Variants in BCAS3 observed in about 807,000 individuals in gnomAD.
BCAS3 encodes BCAS4/BCAS3 fusion.
Under a neutral mutation model 116.1 loss-of-function variants are expected in BCAS3, and 53 were observed. The observed-to-expected ratio is 0.46, with a 90% CI of 0.37 to 0.57. BCAS3 has a LOEUF of 0.57. Ranked by LOEUF, BCAS3 falls within the 20% of genes least tolerant of loss-of-function variation. The pLI, the probability that BCAS3 is intolerant of heterozygous loss-of-function variation, is 0.00. For synonymous variants in BCAS3, 391 were observed against 408.2 expected (o/e 0.96, Z 0.51); for missense variants, 917 against 1,165.4 (o/e 0.79, Z 3.10).
At chr17:61,018,617 TC>T (rs1456833265) in intron 16 of BCAS3, among the ~76,000 whole-genome samples, 1 of 152,036 alleles carries the variant, frequency 6.6e-6, no homozygotes, top group Non-Finnish European at 1.5e-5. Flanking sequence ...TGTTAATAGA[TC>T]AACTTATTTG....
At position 61,378,186 on chromosome 17, in the gene BCAS3, T is replaced by G. The variant is rs1001491491; in HGVS notation, c.2593+9692T>G. ...CCCTTCTGCAGTAACCTCTGCATATTTCACCTCCTCCACCTTCTTGCCAAT... is the reference window on the plus strand; with the variant it reads ...CCCTTCTGCAGTAACCTCTGCATATGTCACCTCCTCCACCTTCTTGCCAAT... On this transcript the variant is annotated intron_variant, in intron 23 of 23. Transcript: ENST00000407086. The surrounding 1 kb of genome is among the most constrained non-coding windows in gnomAD (Gnocchi z 5.8). The G allele has an allele frequency of 3.9e-5, 6 of 152,232 alleles. No individual in the cohort carries two copies. Among genetic ancestry groups the G allele is most frequent in the Admixed American group, 2.0e-4 (3 of 15,272 alleles). The allele number at this position is 152,232 out of a possible 1,614,324, so 9.4% of individuals were successfully genotyped here.
At chr17:60,806,806 C>T (rs369433257) in intron 6 of BCAS3, among the ~76,000 whole-genome samples, 11 of 152,168 alleles carry the variant, frequency 7.2e-5, no homozygotes, top group African/African-American at 2.4e-4. Context: ...GTTGAGAGTA[C>T]AGGCGTGAGC....
intron 22 of BCAS3, among the ~76,000 whole-genome samples, chr17:61,267,091 T>A (rs1160428707): frequency 1.3e-5 from 2 of 152,196 alleles, no homozygotes; most frequent in Admixed American, 6.5e-5. Flanking sequence ...GGAGTCTCGC[T>A]CTGTCGCCCA....
chr17:60,929,062 A>C (rs963355479), intron 13 of BCAS3, among the ~76,000 whole-genome samples: 1 of 152,100 alleles, frequency 6.6e-6, no homozygotes, highest in Non-Finnish European at 1.5e-5. Context: ...ATTTTCTAGC[A>C]CTCTTCATTT....
chr17:60,717,404 C>T (rs1246080888), intron 5 of BCAS3, among the ~76,000 whole-genome samples: 2 of 151,842 alleles, frequency 1.3e-5, no homozygotes, highest in East Asian at 1.9e-4. Context: ...TTAGTAGAGA[C>T]GGGGTTTCGC....
At position 61,316,807 on chromosome 17, in the gene BCAS3, A is replaced by G. The variant is rs2054784834; in HGVS notation, c.2426-51520A>G. 6.6e-6 allele frequency among the ~76,000 whole-genome samples: 1 copy of G among 152,224 alleles called. No individual in the cohort carries two copies. The highest frequency in any genetic ancestry group is 2.1e-4 in the South Asian group (1 of 4,834). On this transcript the variant is annotated intron_variant, in intron 22 of 23. Transcript: ENST00000407086. The surrounding 1 kb of genome is among the most constrained non-coding windows in gnomAD (Gnocchi z 5.8). ...TGCTAGATTCCTCGGGGTCATGTAC[A>G]ATAATTCCTGCCATGTAGGTTTATT...
intron 22 of BCAS3, among the ~76,000 whole-genome samples, chr17:61,102,779 A>G (rs2074406964): frequency 2.0e-5 from 3 of 152,118 alleles, no homozygotes; most frequent in Admixed American, 1.3e-4. Flanking sequence ...GTAAAAATTA[A>G]TAGATAATAA....
rs1425946398 is a variant in BCAS3, at chr17:60,995,287, G to A, written c.1486+5052G>A. Among the ~76,000 whole-genome samples, 1 of 152,144 alleles carries A rather than the reference G, an allele frequency of 6.6e-6. No homozygotes were observed. The highest frequency in any genetic ancestry group is 1.5e-5 in the Non-Finnish European group (1 of 68,020). On this transcript the variant is annotated intron_variant, in intron 15 of 23. Coordinates refer to ENST00000407086, the MANE Select transcript of BCAS3 (RefSeq NM_017679.5). The surrounding 1 kb of genome is among the most constrained non-coding windows in gnomAD (Gnocchi z 4.7). ...TCTGCTTCAGCCTCCCAAGTAGCTGGGATTACAGGTGCCCGCCACCATGCC... is the reference window on the plus strand; with the variant it reads ...TCTGCTTCAGCCTCCCAAGTAGCTGAGATTACAGGTGCCCGCCACCATGCC...
At chr17:61,076,749 G>A (rs187268777) in intron 20 of BCAS3, among the ~76,000 whole-genome samples, 29 of 152,250 alleles carry the variant, frequency 1.9e-4, no homozygotes, top group African/African-American at 6.5e-4. Flanking sequence ...TGACACTGAT[G>A]GTTTTGAGCT....
intron 18 of BCAS3, among the ~76,000 whole-genome samples, chr17:61,038,419 AT>A (rs1487405693): frequency 4.0e-5 from 6 of 151,226 alleles, no homozygotes. Flanking sequence ...CACCTAGCTA[AT>A]TTTTTTGTAT....
intron 14 of BCAS3, among the ~76,000 whole-genome samples, chr17:60,972,820 C>G (rs1477945353): frequency 6.6e-6 from 1 of 152,122 alleles, no homozygotes; most frequent in East Asian, 1.9e-4. Context: ...GGGAATGTTT[C>G]TAGAACTTGT....
chr17:61,058,109 CT>C (rs1260080992), intron 19 of BCAS3, among the ~76,000 whole-genome samples: 4 of 151,980 alleles, frequency 2.6e-5, no homozygotes, highest in Admixed American at 6.6e-5. Flanking sequence ...GTTTCTCTTT[CT>C]TTGAAAAAAT....
intron 11 of BCAS3, among the ~76,000 whole-genome samples, chr17:60,904,860 T>C (rs1355003321): frequency 1.3e-5 from 2 of 152,192 alleles, no homozygotes; most frequent in South Asian, 4.1e-4. Context: ...CACAAAGATG[T>C]CTCCAGACCT....
chr17:60,879,951 A>G (rs2055961687), intron 9 of BCAS3, among the ~76,000 whole-genome samples: 3 of 152,206 alleles, frequency 2.0e-5, no homozygotes, highest in Non-Finnish European at 4.4e-5. Flanking sequence ...TTAAAAGTTA[A>G]ACCTATCTTT....
At chr17:60,698,207 AG>A (rs1288398366) in intron 4 of BCAS3, among the ~76,000 whole-genome samples, 6 of 148,656 alleles carry the variant, frequency 4.0e-5, no homozygotes, top group Non-Finnish European at 6.0e-5. Context: ...AAAAAAAAAG[AG>A]CAGCAGTGGA....
At position 61,364,225 on chromosome 17, in the gene BCAS3, A is replaced by G. The variant is rs556836513; in HGVS notation, c.2426-4102A>G. Reference sequence around the variant, plus strand: ...GCTCCTCAACTTCCTAGCTGTGCGCATGCGAAGAGAGAACAGACCCACTAT... The same window carrying G: ...GCTCCTCAACTTCCTAGCTGTGCGCGTGCGAAGAGAGAACAGACCCACTAT... On this transcript the variant is annotated intron_variant, in intron 22 of 23. Transcript: ENST00000407086. This position sits in a 1 kb window ranked among gnomAD's most constrained non-coding sequence, Gnocchi z 5.4. Among the ~76,000 whole-genome samples the G allele has an allele frequency of 6.6e-6, 1 of 152,322 alleles. No individual in the cohort carries two copies. Among genetic ancestry groups the G allele is most frequent in the Admixed American group, 6.5e-5 (1 of 15,302 alleles).
intron 22 of BCAS3, among the ~76,000 whole-genome samples, chr17:61,360,586 A>T (rs961770335): frequency 6.6e-6 from 1 of 152,132 alleles, no homozygotes; most frequent in Admixed American, 6.5e-5. Context: ...AGGATAACTC[A>T]CATCTGTCTT....
rs1389896098 is a variant in BCAS3, at chr17:61,051,997, A to G, written c.2029+11105A>G. On this transcript the variant is annotated intron_variant, in intron 19 of 23. Coordinates refer to ENST00000407086, the MANE Select transcript of BCAS3 (RefSeq NM_017679.5). The surrounding 1 kb of genome is among the most constrained non-coding windows in gnomAD (Gnocchi z 4.1). ...GTATAAAATCAGTGAAACAGAAAAC[A>G]TAAAAACAATAGAGAAAAAGCAATG... Among the ~76,000 whole-genome samples the G allele has an allele frequency of 1.3e-5, 2 of 152,150 alleles. No homozygotes were observed. The highest frequency in any genetic ancestry group is 2.4e-5 in the African/African-American group (1 of 41,452).
intron 10 of BCAS3, among the ~76,000 whole-genome samples, chr17:60,895,178 C>A (rs1261715692): frequency 6.7e-6 from 1 of 149,982 alleles, no homozygotes; most frequent in African/African-American, 2.5e-5. Flanking sequence ...AGCTGTGAAC[C>A]TGTCTAGTCC....
Sources: allele counts gnomAD v4.1 joint callset (sites outside exome capture counted in the v4.1 genomes callset), GRCh38; gene constraint gnomAD v4.1.1; non-coding constraint Gnocchi (gnomAD v3.1); transcripts MANE v1.5; gene names NCBI Gene and HGNC (gene_info 2026-07-23, HGNC 2026-07-21).